KAZN: variants seen among roughly 807,000 people sequenced by gnomAD.
KAZN encodes kazrin, periplakin interacting protein, also known as kazrin.
A neutral mutation model predicts 87.4 loss-of-function variants in KAZN; 40 were observed. That is an observed-to-expected ratio of 0.46 (90% CI 0.36 to 0.60). KAZN has a LOEUF of 0.60. Ranked by LOEUF, KAZN falls within the 20% of genes least tolerant of loss-of-function variation. The pLI is 0.00. For missense variants in KAZN, 898 were observed against 1,073.9 expected (o/e 0.84, Z 2.29); for synonymous variants, 466 against 458.3 (o/e 1.02, Z -0.22).
chr1:15,087,302 T>C (rs1345153628), intron 8 of KAZN, among the ~76,000 whole-genome samples: 1 of 151,658 alleles, frequency 6.6e-6, no homozygotes, highest in Non-Finnish European at 1.5e-5. Context: ...GATCAATATG[T>C]TATCAATTTT....
intron 1 of KAZN, among the ~76,000 whole-genome samples, chr1:14,069,213 A>G (rs1237690488): frequency 6.6e-6 from 1 of 152,246 alleles, no homozygotes; most frequent in South Asian, 2.1e-4. Flanking sequence ...GTGAGTCTGT[A>G]GCTGCATTAC....
intron 2 of KAZN, among the ~76,000 whole-genome samples, chr1:14,368,489 G>A (rs578148252): frequency 4.6e-5 from 7 of 152,272 alleles, no homozygotes; most frequent in African/African-American, 1.7e-4. Context: ...TTTGCCAACC[G>A]TACAATCAGC....
chr1:14,051,283 G>C (rs1185530849), intron 1 of KAZN, among the ~76,000 whole-genome samples: 1 of 152,144 alleles, frequency 6.6e-6, no homozygotes. Context: ...TGATCAAGCA[G>C]GACTCTTGCT....
chr1:14,373,579 C>T (rs566247274), intron 2 of KAZN, among the ~76,000 whole-genome samples: 4 of 152,192 alleles, frequency 2.6e-5, no homozygotes, highest in African/African-American at 9.7e-5. Context: ...GCCCTCACAG[C>T]CCAACCCAGA....
intron 2 of KAZN, among the ~76,000 whole-genome samples, chr1:14,588,302 A>G (rs1220299634): frequency 6.6e-6 from 1 of 152,236 alleles, no homozygotes; most frequent in South Asian, 2.1e-4. Flanking sequence ...CAAGAAAGAA[A>G]AGAGGTATAT....
chr1:14,797,660 T>C (rs141971283), intron 1 of KAZN, among the ~76,000 whole-genome samples: 6 of 152,286 alleles, frequency 3.9e-5, no homozygotes, highest in Admixed American at 1.3e-4. Context: ...AGAGGTTCTA[T>C]AGCTTCAAGA....
In KAZN at chr1:13,920,181, C is replaced by T. The variant is rs557134908; in HGVS notation, c.91+26425C>T. Among the ~76,000 whole-genome samples, 117 of 133,950 alleles carry T rather than the reference C, an allele frequency of 8.7e-4. 1 individual carries two copies. The highest frequency in any genetic ancestry group is 1.5e-3 in the Admixed American group (17 of 11,586). The allele number at this position is 133,950 out of a possible 152,430, so 87.9% of individuals were successfully genotyped here. ...AGAAGAATCACTTGAACCAGGGAGG[C>T]GGAGGTTGCAGTGAGCTGAGATTGT... is the stretch of plus-strand genomic sequence containing the variant. On this transcript the variant is annotated intron_variant, in intron 1 of 16. Coordinates refer to the KAZN transcript ENST00000636203.
rs1178950187 is a variant in KAZN, at chr1:14,145,129, G to T, written c.92-35306G>T. On this transcript the variant is annotated intron_variant, in intron 1 of 16. Transcript: ENST00000636203. ...CCCTTCATTATTTACGACTCTCCCA[G>T]CTTCAATGTTCTCTTCCCTTACAAT... Among the ~76,000 whole-genome samples, 8 of 152,222 alleles carry T rather than the reference G, an allele frequency of 5.3e-5. No homozygotes were observed. In the South Asian group the frequency reaches 1.7e-3, roughly 32 times the overall value.
chr1:14,737,767 G>A (rs1572360427), intron 1 of KAZN, among the ~76,000 whole-genome samples: 1 of 152,140 alleles, frequency 6.6e-6, no homozygotes, highest in African/African-American at 2.4e-5. Context: ...CTGTTCTCTT[G>A]ATGGCTGTTT....
At chr1:14,922,547 A>C (rs892043545) in intron 1 of KAZN, among the ~76,000 whole-genome samples, 1 of 151,988 alleles carries the variant, frequency 6.6e-6, no homozygotes, top group Non-Finnish European at 1.5e-5. Context: ...TTAAAAGTGC[A>C]CTTTGGGAGG....
chr1:14,370,497 G>A (rs750202767), intron 2 of KAZN, among the ~76,000 whole-genome samples: 1 of 152,178 alleles, frequency 6.6e-6, no homozygotes, highest in Non-Finnish European at 1.5e-5. Flanking sequence ...TTGGGGAGGG[G>A]ACAGCTATCT....
chr1:14,293,449 C>T (rs544158283), intron 2 of KAZN, among the ~76,000 whole-genome samples: 13 of 152,134 alleles, frequency 8.5e-5, no homozygotes, highest in South Asian at 2.1e-4. Flanking sequence ...TAAGAAAATT[C>T]GCATTCTAAT....
At chr1:14,726,762 G>C (rs1266671758) in intron 1 of KAZN, among the ~76,000 whole-genome samples, 2 of 152,196 alleles carry the variant, frequency 1.3e-5, no homozygotes, top group African/African-American at 4.8e-5. Flanking sequence ...CGGGGAACTT[G>C]AGAGACATGC....
chr1:14,481,929 C>T (rs74581688), intron 2 of KAZN, among the ~76,000 whole-genome samples: 5,738 of 152,278 alleles, frequency 0.038, 264 homozygotes, highest in African/African-American at 0.1. Flanking sequence ...CAAGAGCAAA[C>T]GGCATGCCTG....
chr1:14,922,687 G>A (rs1043174450), intron 1 of KAZN, among the ~76,000 whole-genome samples: 3 of 151,742 alleles, frequency 2.0e-5, no homozygotes, highest in African/African-American at 2.4e-5. Context: ...AGCTACTCAG[G>A]AGGCTGAGGC....
chr1:14,721,332 G>A (rs967730857), intron 1 of KAZN, among the ~76,000 whole-genome samples: 2 of 152,196 alleles, frequency 1.3e-5, no homozygotes, highest in African/African-American at 4.8e-5. Flanking sequence ...ACTTCTTCTT[G>A]CTGCTGCCAT....
chr1:14,562,613 T>C (rs1674322758), intron 2 of KAZN, among the ~76,000 whole-genome samples: 1 of 152,214 alleles, frequency 6.6e-6, no homozygotes, highest in South Asian at 2.1e-4. Context: ...AAAATGTATT[T>C]CTCTCCAGTC....
intron 8 of KAZN, among the ~76,000 whole-genome samples, chr1:15,070,520 TC>T (rs1257366059): frequency 6.6e-6 from 1 of 151,178 alleles, no homozygotes; most frequent in Non-Finnish European, 1.5e-5. Context: ...GTGGCACCCT[TC>T]CCCGCCACAG....
chr1:14,826,724 C>G (rs971491904), intron 1 of KAZN, among the ~76,000 whole-genome samples: 2 of 152,144 alleles, frequency 1.3e-5, no homozygotes, highest in Non-Finnish European at 2.9e-5. Flanking sequence ...GGTATCCCCA[C>G]ATGCCCAACA....
Sources: gnomAD v4.1 joint callset for allele counts (sites outside exome capture counted in the v4.1 genomes callset) on GRCh38, gnomAD v4.1.1 for gene constraint, MANE v1.5 for transcripts, NCBI Gene and HGNC (gene_info 2026-07-23, HGNC 2026-07-21) for gene names.